KHDRBS2: variants seen among roughly 807,000 people sequenced by gnomAD.
KHDRBS2 encodes the protein KH RNA binding domain containing, signal transduction associated 2.
Under a neutral mutation model 44.3 loss-of-function variants are expected in KHDRBS2, and 26 were observed. The observed-to-expected ratio is 0.59, with a 90% confidence interval of 0.43 to 0.81. KHDRBS2 has a LOEUF of 0.81. KHDRBS2 is among the 40% of genes least tolerant of loss of function. KHDRBS2 has a pLI of 0.00. For missense variants in KHDRBS2, 476 were observed against 433.1 expected, an observed-to-expected ratio of 1.10 and a Z score of -0.88; for synonymous variants, 194 against 151.1, an observed-to-expected ratio of 1.28 and a Z score of -2.08.
At chr6:61,652,616 T>C in the KHDRBS2 span, among the ~76,000 whole-genome samples, 2 of 152,022 alleles carry the variant, frequency 1.3e-5, no homozygotes, top group Non-Finnish European at 2.9e-5. Flanking sequence ...AGTGAGTCCC[T>C]GGAAAGAGCC....
chr6:61,913,825 T>G (rs1194999023), intron 4 of KHDRBS2, among the ~76,000 whole-genome samples: 1 of 149,134 alleles, frequency 6.7e-6, no homozygotes, highest in East Asian at 2.0e-4. Context: ...GTCTTCCAGG[T>G]AAATGGAATG....
chr6:61,881,002 G>A (rs1800129643), intron 6 of KHDRBS2, among the ~76,000 whole-genome samples: 1 of 151,928 alleles, frequency 6.6e-6, no homozygotes, highest in Non-Finnish European at 1.5e-5. Context: ...GGGATTGTGT[G>A]CAGCTTCTAG....
rs79507114 is a variant in KHDRBS2 at position 62,265,487 on chromosome 6, C to T, written c.91+20371G>A. Among the ~76,000 whole-genome samples the T allele has an allele frequency of 2.9e-3, 440 of 151,920 alleles. 2 individuals are homozygous for T. The highest frequency in any genetic ancestry group is 0.01 in the African/African-American group (423 of 41,502). On this transcript the variant is annotated intron_variant, in intron 1 of 8. Coordinates refer to ENST00000281156, the MANE Select transcript of KHDRBS2 (RefSeq NM_152688.4). ...ATTAGTAGTGAAATTAAATGAACTC[C>T]TCCAGATTTAACACATAAAGATGAA...
chr6:62,227,299 T>G (rs1305330068), intron 1 of KHDRBS2, among the ~76,000 whole-genome samples: 1 of 152,162 alleles, frequency 6.6e-6, no homozygotes, highest in Non-Finnish European at 1.5e-5. Context: ...GAATGGGAGT[T>G]GATTCATGAT....
the KHDRBS2 span, among the ~76,000 whole-genome samples, chr6:61,550,976 G>A: frequency 6.6e-6 from 1 of 151,884 alleles, no homozygotes; most frequent in Non-Finnish European, 1.5e-5. Context: ...GTTTTACTAT[G>A]TTTCCCAGGC....
At chr6:61,578,815 T>C in the KHDRBS2 span, among the ~76,000 whole-genome samples, 1 of 152,136 alleles carries the variant, frequency 6.6e-6, no homozygotes. Flanking sequence ...GAGGATTTTC[T>C]TTTTCTTTCC....
At chr6:62,084,134 A>G (rs1797959017) in intron 2 of KHDRBS2, among the ~76,000 whole-genome samples, 1 of 152,152 alleles carries the variant, frequency 6.6e-6, no homozygotes, top group South Asian at 2.1e-4. Flanking sequence ...ATATTGAATA[A>G]TGGAGATTGC....
At chr6:61,598,590 G>C in the KHDRBS2 span, among the ~76,000 whole-genome samples, 1 of 152,088 alleles carries the variant, frequency 6.6e-6, no homozygotes. Flanking sequence ...ATTGCAAATT[G>C]GTACCCAAAA....
chr6:61,684,527 G>A (rs1363445349), intron 8 of KHDRBS2, among the ~76,000 whole-genome samples: 1 of 151,808 alleles, frequency 6.6e-6, no homozygotes, highest in African/African-American at 2.4e-5. Flanking sequence ...ACGAATTTTA[G>A]AGTCCTGTTT....
At chr6:61,696,101 C>A (rs528548950) in intron 8 of KHDRBS2, among the ~76,000 whole-genome samples, 22 of 152,006 alleles carry the variant, frequency 1.4e-4, no homozygotes, top group Admixed American at 1.0e-3. Flanking sequence ...CCTGTCTCAG[C>A]CTCTGGAGTA....
chr6:61,663,916 A>G, the KHDRBS2 span, among the ~76,000 whole-genome samples: 2 of 151,728 alleles, frequency 1.3e-5, no homozygotes, highest in East Asian at 2.0e-4. Context: ...TCAATATTCA[A>G]AAATGTACAC....
intron 3 of KHDRBS2, among the ~76,000 whole-genome samples, chr6:61,983,244 T>TTCTTTCTTTC (rs1583957414): frequency 2.6e-5 from 1 of 38,022 alleles, no homozygotes; most frequent in East Asian, 7.5e-4. Flanking sequence ...TTCTTTTTTT[T>TTCTTTCTTTC]TTTTTTTTTT....
At chr6:61,968,438 T>C (rs1314917939) in intron 4 of KHDRBS2, among the ~76,000 whole-genome samples, 1 of 151,948 alleles carries the variant, frequency 6.6e-6, no homozygotes, top group Non-Finnish European at 1.5e-5. Flanking sequence ...GTTTCTGCCA[T>C]GAAAATAAGA....
intron 4 of KHDRBS2, among the ~76,000 whole-genome samples, chr6:61,937,126 G>C (rs16867604): frequency 6.6e-6 from 1 of 151,618 alleles, no homozygotes; most frequent in African/African-American, 2.4e-5. Context: ...GCTGCATTCT[G>C]GTCATCTTCT....
intron 6 of KHDRBS2, among the ~76,000 whole-genome samples, chr6:61,857,617 G>A (rs1404668213): frequency 4.6e-5 from 7 of 151,656 alleles, no homozygotes; most frequent in Admixed American, 4.0e-4. Flanking sequence ...TTAAGAAAAA[G>A]CCATGTTAGC....
At chr6:62,044,826 C>A (rs140787937) in intron 3 of KHDRBS2, among the ~76,000 whole-genome samples, 95 of 152,162 alleles carry the variant, frequency 6.2e-4, no homozygotes, top group African/African-American at 2.2e-3. Flanking sequence ...TAAAGTCAGG[C>A]AAAGTTGAGA....
At chr6:62,082,950 A>G (rs1471788918) in intron 2 of KHDRBS2, among the ~76,000 whole-genome samples, 1 of 152,266 alleles carries the variant, frequency 6.6e-6, no homozygotes, top group East Asian at 1.9e-4. Flanking sequence ...CTCTAAGTTG[A>G]ATTCCCGTCA....
intron 3 of KHDRBS2, among the ~76,000 whole-genome samples, chr6:62,047,105 C>A (rs1020904440): frequency 2.6e-5 from 4 of 151,894 alleles, no homozygotes; most frequent in African/African-American, 4.8e-5. Flanking sequence ...TTAAACATTT[C>A]ATTCTCCATA....
rs1258160092 is a variant in KHDRBS2, at chr6:62,274,983, AT to A, written c.91+10874del. On this transcript the variant is annotated intron_variant, in intron 1 of 8. Transcript: ENST00000281156. Reference sequence around the variant, plus strand: ...AATTAACGTATGCTTAACAAACACAATATATACATATATCGCTCATCAAATA... The same window carrying A: ...AATTAACGTATGCTTAACAAACACAAATATACATATATCGCTCATCAAATA... Among the ~76,000 whole-genome samples the A allele has an allele frequency of 3.4e-5, 5 of 147,094 alleles. 1 individual carries two copies. Among genetic ancestry groups the A allele is most frequent in the African/African-American group, 1.3e-4 (5 of 39,516 alleles).
Sources: gnomAD v4.1 joint callset for allele counts (sites outside exome capture counted in the v4.1 genomes callset) on GRCh38, gnomAD v4.1.1 for gene constraint, MANE v1.5 for transcripts, NCBI Gene and HGNC (gene_info 2026-07-23, HGNC 2026-07-21) for gene names.